The following SUPT3H variants were observed in gnomAD, a reference collection of about 807,000 sequenced individuals.
SUPT3H encodes SPT3 homolog, SAGA and STAGA complex component, also known as transcription initiation protein SPT3 homolog.
A neutral mutation model predicts 44.3 loss-of-function variants in SUPT3H; 44 were observed. The ratio of observed to expected loss-of-function variants is 0.99; its 90% CI spans 0.78 to 1.28. The LOEUF (loss-of-function observed/expected upper bound fraction) is 1.28, where lower values mean the gene tolerates loss of function less well. Ranked by LOEUF, SUPT3H falls within the 50% of genes most tolerant of loss-of-function variation. The pLI, the probability that SUPT3H is intolerant of heterozygous loss-of-function variation, is 0.00. For missense variants in SUPT3H, 380 were observed against 387.1 expected, an observed-to-expected ratio of 0.98 and a Z score of 0.15; for synonymous variants, 124 against 125.6, an observed-to-expected ratio of 0.99 and a Z score of 0.09.
intron 2 of SUPT3H, among the ~76,000 whole-genome samples, chr6:45,118,332 G>A (rs992942231): frequency 6.6e-6 from 1 of 152,150 alleles, no homozygotes; most frequent in South Asian, 2.1e-4. Flanking sequence ...ATAGGTACAA[G>A]CTCTGTGGTA....
chr6:45,166,582 C>T (rs1288308749), intron 2 of SUPT3H, among the ~76,000 whole-genome samples: 1 of 23,570 alleles, frequency 4.2e-5, no homozygotes, highest in Non-Finnish European at 7.7e-5. Context: ...AAGACTCCAT[C>T]CAAAAAAAAA....
rs76339534 is a variant in SUPT3H, at chr6:45,004,173, G to T, written c.365-381C>A. 2.8e-3 allele frequency among the ~76,000 whole-genome samples: 420 copies of T among 151,988 alleles called. 2 individuals carry two copies. The highest frequency in any genetic ancestry group is 4.6e-3 in the Non-Finnish European group (311 of 67,934). On this transcript the variant is annotated intron_variant, in intron 5 of 10. Transcript: ENST00000371459. The stretch of plus-strand genomic sequence containing the variant: ...AAAATGATGAGTAAGGATATGCTAG[G>T]CAAATACAAGCTAAGAAAGCAGAAC...
chr6:45,305,500 T>C (rs1462995606), intron 2 of SUPT3H, among the ~76,000 whole-genome samples: 3 of 152,232 alleles, frequency 2.0e-5, no homozygotes, highest in Admixed American at 2.0e-4. Flanking sequence ...GTTTATAAAT[T>C]AAATTACATG....
chr6:44,894,404 G>A (rs1461650688), intron 10 of SUPT3H, among the ~76,000 whole-genome samples: 1 of 152,176 alleles, frequency 6.6e-6, no homozygotes, highest in Non-Finnish European at 1.5e-5. Flanking sequence ...TTTGTATAAG[G>A]TGTAAGGAAG....
intron 10 of SUPT3H, among the ~76,000 whole-genome samples, chr6:44,835,435 C>G (rs770943013): frequency 4.0e-5 from 6 of 151,472 alleles, no homozygotes; most frequent in Admixed American, 6.6e-5. Context: ...TTCTTCACAT[C>G]TTGGGATGTG....
At chr6:45,010,797 G>A (rs1171494665) in intron 5 of SUPT3H, among the ~76,000 whole-genome samples, 8 of 152,010 alleles carry the variant, frequency 5.3e-5, no homozygotes, top group African/African-American at 1.9e-4. Context: ...CTACCACACT[G>A]GGAATTAGGC....
chr6:45,341,226 G>A (rs574511909), intron 2 of SUPT3H, among the ~76,000 whole-genome samples: 2 of 152,232 alleles, frequency 1.3e-5, no homozygotes, highest in Admixed American at 6.5e-5. Flanking sequence ...CAGAGGGTAG[G>A]AATAAAGCTA....
intron 3 of SUPT3H, among the ~76,000 whole-genome samples, chr6:45,024,675 G>A (rs888235061): frequency 2.6e-5 from 4 of 152,082 alleles, no homozygotes; most frequent in South Asian, 2.1e-4. Flanking sequence ...TGACTGGACC[G>A]CGGGGTACAT....
intron 3 of SUPT3H, among the ~76,000 whole-genome samples, chr6:45,058,724 T>C (rs1791513734): frequency 6.6e-6 from 1 of 152,114 alleles, no homozygotes; most frequent in Non-Finnish European, 1.5e-5. Flanking sequence ...TCATTATCCC[T>C]TCCCCTGCCC....
intron 2 of SUPT3H, among the ~76,000 whole-genome samples, chr6:45,300,261 G>A (rs1173919364): frequency 2.0e-5 from 3 of 152,222 alleles, no homozygotes; most frequent in Non-Finnish European, 4.4e-5. Context: ...AGTTTGAATC[G>A]TACATCACAA....
chr6:44,927,848 C>T (rs1562062540), intron 10 of SUPT3H, among the ~76,000 whole-genome samples: 1 of 152,024 alleles, frequency 6.6e-6, no homozygotes, highest in Non-Finnish European at 1.5e-5. Context: ...AGAGTAAGGC[C>T]AGATAGGCTC....
intron 2 of SUPT3H, among the ~76,000 whole-genome samples, chr6:45,165,751 A>G (rs1583956372): frequency 6.6e-6 from 1 of 152,310 alleles, no homozygotes; most frequent in African/African-American, 2.4e-5. Flanking sequence ...TAGCTAAAGG[A>G]AGAATCCAAA....
chr6:45,291,292 A>G (rs1342512640), intron 2 of SUPT3H, among the ~76,000 whole-genome samples: 2 of 152,210 alleles, frequency 1.3e-5, no homozygotes, highest in Admixed American at 6.5e-5. Flanking sequence ...AAGAATCTGA[A>G]CAACAGCCTT....
intron 2 of SUPT3H, among the ~76,000 whole-genome samples, chr6:45,109,425 G>A (rs1799735173): frequency 6.6e-6 from 1 of 151,978 alleles, no homozygotes; most frequent in Non-Finnish European, 1.5e-5. Context: ...GACATCTATA[G>A]TAAAAAAATT....
chr6:45,336,574 A>C (rs1056595152), intron 2 of SUPT3H, among the ~76,000 whole-genome samples: 12 of 151,488 alleles, frequency 7.9e-5, no homozygotes, highest in African/African-American at 2.9e-4. Flanking sequence ...TTAAATTGCT[A>C]AATTATTTAA....
intron 5 of SUPT3H, among the ~76,000 whole-genome samples, chr6:45,012,548 ATTATCATATCTTCC>A (rs1783647134): frequency 6.6e-6 from 1 of 151,938 alleles, no homozygotes; most frequent in Non-Finnish European, 1.5e-5. Context: ...GTGAGACGCT[ATTATCATATCTTCC>A]TTTTTTAAAA....
chr6:44,855,485 C>T (rs1773576639), intron 10 of SUPT3H, among the ~76,000 whole-genome samples: 1 of 152,116 alleles, frequency 6.6e-6, no homozygotes, highest in Non-Finnish European at 1.5e-5. Context: ...ATGGTTTCTT[C>T]ATATCTTTTC....
rs193128656 is a variant in SUPT3H at position 45,237,047 on chromosome 6, G to A, written c.101+128154C>T. On this transcript the variant is annotated intron_variant, in intron 2 of 10. Coordinates refer to ENST00000371459, the MANE Select transcript of SUPT3H (RefSeq NM_003599.4). ...CTCTGGAAAGTAGAGCCAGGAGAGC[G>A]TATAGCACAACTCCTGACTGTGCCA... Among the ~76,000 whole-genome samples, 15 of 152,234 alleles carry A rather than the reference G, an allele frequency of 9.9e-5. No individual in the cohort carries two copies. The East Asian group carries it at 1.7e-3, about 18-fold the overall frequency.
At chr6:45,262,147 G>A (rs1369023957) in intron 2 of SUPT3H, among the ~76,000 whole-genome samples, 1 of 152,086 alleles carries the variant, frequency 6.6e-6, no homozygotes, top group East Asian at 1.9e-4. Context: ...TGGCCATACT[G>A]CACAAGGCAA....
Sources: allele counts gnomAD v4.1 joint callset (sites outside exome capture counted in the v4.1 genomes callset), GRCh38; gene constraint gnomAD v4.1.1; transcripts MANE v1.5; gene names NCBI Gene and HGNC (gene_info 2026-07-23, HGNC 2026-07-21).